Variants in DLC1 observed in about 807,000 individuals in gnomAD.
DLC1 encodes rho GTPase-activating protein 7.
Under a neutral mutation model 140.3 loss-of-function variants are expected in DLC1, and 54 were observed. The observed-to-expected ratio is 0.38, with a 90% CI of 0.31 to 0.48. DLC1 has a LOEUF of 0.48. Among genes scored for constraint, DLC1 ranks in the 20% least tolerant of loss-of-function variants. The pLI is 0.96. For synonymous variants in DLC1, 986 were observed against 728.1 expected (o/e 1.35, Z -5.70); for missense variants, 2,536 against 1,907.0 (o/e 1.33, Z -6.14).
intron 2 of DLC1, among the ~76,000 whole-genome samples, chr8:13,444,186 G>A (rs905865443): frequency 3.3e-5 from 5 of 152,016 alleles, no homozygotes; most frequent in African/African-American, 1.2e-4. Flanking sequence ...GATTGCAAAA[G>A]TTTTCTCCCA....
At chr8:13,227,497 G>C (rs879782105) in intron 5 of DLC1, among the ~76,000 whole-genome samples, 15 of 152,136 alleles carry the variant, frequency 9.9e-5, no homozygotes, top group African/African-American at 2.9e-4. Flanking sequence ...TAGGGCCGAG[G>C]GTACCTGTGC....
At chr8:13,530,683 A>C (rs116846385) in intron 1 of DLC1, among the ~76,000 whole-genome samples, 3,900 of 152,276 alleles carry the variant, frequency 0.026, 77 homozygotes, top group South Asian at 0.078. Context: ...GAGTATAGTA[A>C]ATCAGATGAC....
At chr8:13,167,725 C>T (rs377160407) in intron 5 of DLC1, among the ~76,000 whole-genome samples, 73 of 152,118 alleles carry the variant, frequency 4.8e-4, no homozygotes, top group African/African-American at 2.7e-4. Flanking sequence ...TAATTCTGGG[C>T]GGAGTCCCAC....
intron 2 of DLC1, among the ~76,000 whole-genome samples, chr8:13,489,412 TACAC>T (rs10558551): frequency 0.017 from 2,247 of 132,332 alleles, 28 homozygotes; most frequent in Middle Eastern, 0.038. Flanking sequence ...ACACACACCA[TACAC>T]ACACACACAC....
chr8:13,317,221 T>C (rs1671403), intron 4 of DLC1, among the ~76,000 whole-genome samples: 21,778 of 152,236 alleles, frequency 0.14, 1,690 homozygotes, highest in South Asian at 0.23. Flanking sequence ...GTAGTAACAT[T>C]AGCAATAAGC....
In DLC1 at chr8:13,428,965, G is replaced by A. The variant is rs188845939; in HGVS notation, c.1024-27346C>T. Among the ~76,000 whole-genome samples, 131 of 152,300 alleles carry A rather than the reference G, an allele frequency of 8.6e-4. 4 individuals are homozygous for A. The highest frequency in any genetic ancestry group is 7.8e-3 in the Admixed American group (119 of 15,298). ...CATAATCTCTGCCTAAATAAGTTCC[G>A]TAGAATCATTAGAAAACCACTGGAT... On this transcript the variant is annotated intron_variant, in intron 2 of 17. Coordinates refer to ENST00000276297, the MANE Select transcript of DLC1 (RefSeq NM_182643.3).
At chr8:13,572,153 G>A (rs561552935) in intron 1 of DLC1, among the ~76,000 whole-genome samples, 2 of 148,714 alleles carry the variant, frequency 1.3e-5, no homozygotes, top group African/African-American at 4.9e-5. Flanking sequence ...GCAGTGGCAC[G>A]ATCTCGCCTC....
At chr8:13,378,069 C>T (rs1563297552) in intron 4 of DLC1, among the ~76,000 whole-genome samples, 4 of 146,612 alleles carry the variant, frequency 2.7e-5, no homozygotes, top group East Asian at 2.0e-4. Context: ...GGACATTATC[C>T]TTTTTTTTAA....
intron 5 of DLC1, among the ~76,000 whole-genome samples, chr8:13,270,670 C>T (rs1830894474): frequency 6.6e-6 from 1 of 152,178 alleles, no homozygotes; most frequent in Admixed American, 6.5e-5. Context: ...CCAGTAGATC[C>T]TTCTTTGTTT....
intron 5 of DLC1, among the ~76,000 whole-genome samples, chr8:13,172,595 C>G (rs972142475): frequency 2.6e-5 from 4 of 152,222 alleles, no homozygotes; most frequent in Non-Finnish European, 5.9e-5. Context: ...TTAGAGACTT[C>G]GTCAACTCAC....
chr8:13,518,078 G>T (rs1027009542), upstream of DLC1, among the ~76,000 whole-genome samples: 18 of 150,800 alleles, frequency 1.2e-4, no homozygotes, highest in African/African-American at 4.4e-4. Context: ...TGGATTAAAT[G>T]GTATTTTAAA....
At chr8:13,117,420 G>A (rs911263233) in intron 5 of DLC1, among the ~76,000 whole-genome samples, 18 of 152,092 alleles carry the variant, frequency 1.2e-4, no homozygotes, top group Admixed American at 1.3e-4. Flanking sequence ...TGAGGCTGCA[G>A]TTAACCTCAA....
chr8:13,306,893 G>A (rs1056856389), intron 4 of DLC1, among the ~76,000 whole-genome samples: 9 of 151,556 alleles, frequency 5.9e-5, no homozygotes, highest in African/African-American at 1.7e-4. Context: ...AGACCAGCCT[G>A]ACTAGCATGG....
chr8:13,170,043 T>G (rs1424014662), intron 5 of DLC1, among the ~76,000 whole-genome samples: 1 of 151,832 alleles, frequency 6.6e-6, no homozygotes, highest in Non-Finnish European at 1.5e-5. Flanking sequence ...ATAAAAAAAA[T>G]TAGAGGAATA....
chr8:13,322,211 G>T (rs978063707), intron 4 of DLC1, among the ~76,000 whole-genome samples: 20 of 152,066 alleles, frequency 1.3e-4, no homozygotes, highest in South Asian at 1.2e-3. Context: ...TTATCTACTG[G>T]TTATTTTGAT....
chr8:13,422,629 C>T lies in DLC1; in HGVS notation c.1024-21010G>A, dbSNP rs529152896. Among the ~76,000 whole-genome samples, 32 of 152,122 alleles carry T rather than the reference C, an allele frequency of 2.1e-4. 1 individual carries two copies. Among genetic ancestry groups the T allele is most frequent in the Admixed American group, 3.3e-4 (5 of 15,260 alleles). ...TAATCTTGGAGCAAATTTGTCACTT[C>T]TTTCATTAGTTCTGGTTAAAGGGAG... On this transcript the variant is annotated intron_variant, in intron 2 of 17. Coordinates refer to ENST00000276297, the MANE Select transcript of DLC1 (RefSeq NM_182643.3).
intron 5 of DLC1, among the ~76,000 whole-genome samples, chr8:13,188,281 C>T (rs1199000897): frequency 3.3e-5 from 5 of 151,080 alleles, no homozygotes; most frequent in Non-Finnish European, 7.4e-5. Context: ...GGGGTTTCAC[C>T]ACATTGGCCA....
intron 5 of DLC1, among the ~76,000 whole-genome samples, chr8:13,300,143 G>A (rs751464156): frequency 1.8e-4 from 28 of 152,176 alleles, no homozygotes; most frequent in Non-Finnish European, 3.1e-4. Flanking sequence ...GGACATGGAT[G>A]AAGCTGAAAG....
chr8:13,222,467 A>G (rs1415331312), intron 5 of DLC1, among the ~76,000 whole-genome samples: 3 of 152,036 alleles, frequency 2.0e-5, no homozygotes, highest in Non-Finnish European at 2.9e-5. Context: ...GTAACATATT[A>G]TGTTTTTTTC....
Sources: allele counts gnomAD v4.1 joint callset (sites outside exome capture counted in the v4.1 genomes callset), GRCh38; gene constraint gnomAD v4.1.1; transcripts MANE v1.5; gene names NCBI Gene and HGNC (gene_info 2026-07-23, HGNC 2026-07-21).